Variants in DMD observed in about 807,000 individuals in gnomAD.
The protein encoded by DMD is mutant dystrophin.
Under a neutral mutation model 330.1 loss-of-function variants are expected in DMD, and 63 were observed. The ratio of observed to expected loss-of-function variants is 0.19; its 90% CI spans 0.16 to 0.24. The LOEUF (loss-of-function observed/expected upper bound fraction) is 0.24, where lower values mean the gene tolerates loss of function less well. Ranked by LOEUF, DMD falls within the 10% of genes least tolerant of loss-of-function variation. The pLI is 1.00. For missense variants in DMD, 3,344 were observed against 2,684.1 expected (o/e 1.25, Z -5.43); for synonymous variants, 1,223 against 959.8 (o/e 1.27, Z -5.07).
intron 1 of DMD, among the ~76,000 whole-genome samples, chrX:33,324,734 T>C (rs148173472): frequency 4.2e-3 from 464 of 111,703 alleles, no homozygotes; most frequent in Non-Finnish European, 6.8e-3. Context: ...CTTTGTTATA[T>C]TAAAGATTGT....
intron 21 of DMD, 81 bp downstream of exon 21, chrX:32,484,838 T>C: frequency 9.9e-7 from 1 of 1,013,134 alleles, no homozygotes; most frequent in Non-Finnish European, 1.4e-6. Context: ...AATTATTGTT[T>C]CATGTTAGTA....
intron 1 of DMD, among the ~76,000 whole-genome samples, chrX:33,312,474 A>G (rs1463689744): frequency 2.7e-5 from 3 of 111,897 alleles, no homozygotes; most frequent in African/African-American, 6.5e-5. Flanking sequence ...ATACAGCTAA[A>G]TAATACACCT....
At chrX:31,191,859 T>C (rs73462351) in intron 67 of DMD, among the ~76,000 whole-genome samples, 19,681 of 112,125 alleles carry the variant, frequency 0.18, 1,352 homozygotes, top group Middle Eastern at 0.26. Context: ...CCATTGTTAA[T>C]AGGTATTGGC....
chrX:32,202,843 A>C (rs1980317904), intron 44 of DMD, among the ~76,000 whole-genome samples: 1 of 112,429 alleles, frequency 8.9e-6, no homozygotes, highest in Non-Finnish European at 1.9e-5. Context: ...GCTAAACTGC[A>C]GTTTTCCTTT....
intron 2 of DMD, among the ~76,000 whole-genome samples, chrX:32,873,195 AAT>A (rs2083131116): frequency 9.0e-6 from 1 of 110,934 alleles, no homozygotes; most frequent in African/African-American, 3.3e-5. Flanking sequence ...GCTTTGCTCA[AAT>A]GTCAGGGGAA....
chrX:32,364,499 C>A (rs979429171), intron 36 of DMD, 83 bp downstream of exon 36: 1 of 1,056,336 alleles, frequency 9.5e-7, no homozygotes, highest in Non-Finnish European at 1.3e-6. Flanking sequence ...CTTATTAAGA[C>A]GTCCTTAGTA....
intron 7 of DMD, among the ~76,000 whole-genome samples, chrX:32,800,179 A>T (rs1569524438): frequency 8.9e-6 from 1 of 112,107 alleles, no homozygotes; most frequent in Non-Finnish European, 1.9e-5. Flanking sequence ...ATTTCTTTGG[A>T]GAGTAGCCAA....
intron 67 of DMD, among the ~76,000 whole-genome samples, chrX:31,197,350 C>A (rs1357521667): frequency 8.9e-6 from 1 of 112,073 alleles, no homozygotes; most frequent in African/African-American, 3.2e-5. Context: ...TCCTGAGTAG[C>A]TGGGACTACA....
chrX:33,287,507 G>GC (rs1316464540), intron 1 of DMD, among the ~76,000 whole-genome samples: 1 of 111,183 alleles, frequency 9.0e-6, no homozygotes, highest in Admixed American at 9.6e-5. Flanking sequence ...TTCACCACAG[G>GC]CATCAAGGAT....
At chrX:32,606,720 C>T (rs989783716) in intron 12 of DMD, among the ~76,000 whole-genome samples, 7 of 54,169 alleles carry the variant, frequency 1.3e-4, no homozygotes, top group East Asian at 4.8e-4. Flanking sequence ...TGTGTATATA[C>T]GCATATATAT....
chrX:31,799,793 G>T (rs1361617419), intron 50 of DMD, among the ~76,000 whole-genome samples: 1 of 112,223 alleles, frequency 8.9e-6, no homozygotes, highest in Non-Finnish European at 1.9e-5. Context: ...TACAATGGGG[G>T]GTACAGGCAT....
At chrX:32,981,496 T>G (rs2092707170) in intron 2 of DMD, among the ~76,000 whole-genome samples, 1 of 111,844 alleles carries the variant, frequency 8.9e-6, no homozygotes, top group South Asian at 3.7e-4. Context: ...TAGCACTGGA[T>G]TTCCAGTTAA....
chrX:32,701,035 G>A (rs1003486811), intron 7 of DMD, among the ~76,000 whole-genome samples: 3 of 111,894 alleles, frequency 2.7e-5, no homozygotes, highest in Non-Finnish European at 3.8e-5. Flanking sequence ...ACTTCTATCC[G>A]TAGAACAATA....
chrX:32,534,939 G>T (rs1298323908), intron 17 of DMD, among the ~76,000 whole-genome samples: 3 of 110,854 alleles, frequency 2.7e-5, no homozygotes, highest in Admixed American at 1.9e-4. Context: ...TCTGACCAGG[G>T]AAGACTTTAC....
intron 59 of DMD, among the ~76,000 whole-genome samples, chrX:31,459,642 GA>G (rs1225376618): frequency 9.0e-6 from 1 of 111,239 alleles, no homozygotes; most frequent in African/African-American, 3.3e-5. Flanking sequence ...ACTTTATGAA[GA>G]AAAAAAATTA....
In DMD at chrX:32,797,499, G is replaced by GT. The variant is rs749116398; in HGVS notation, c.649+11993dup. ...AATGTTTTTGCCAAGGCAAAATTCT[G>GT]TGACAAGAAACACAGATATCAACTA... On this transcript the variant is annotated intron_variant, in intron 7 of 78. Transcript: ENST00000357033. 1.6e-4 allele frequency among the ~76,000 whole-genome samples: 18 copies of GT among 112,557 alleles called. No homozygotes were observed. In the East Asian group the frequency reaches 4.7e-3, roughly 30 times the overall value.
intron 60 of DMD, among the ~76,000 whole-genome samples, chrX:31,412,186 CA>C (rs764012481): frequency 0.24 from 10,322 of 43,590 alleles, 516 homozygotes; most frequent in South Asian, 0.26. Flanking sequence ...ACTCTTGTCT[CA>C]AAAAAAAAAA....
intron 1 of DMD, among the ~76,000 whole-genome samples, chrX:33,288,451 CTG>C (rs773632434): frequency 9.0e-6 from 1 of 111,725 alleles, no homozygotes; most frequent in East Asian, 2.8e-4. Flanking sequence ...ACATAAAACT[CTG>C]TATCTCCTGA....
intron 44 of DMD, among the ~76,000 whole-genome samples, chrX:32,076,811 T>C (rs748353197): frequency 9.0e-6 from 1 of 111,669 alleles, no homozygotes; most frequent in East Asian, 2.8e-4. Context: ...GGCCTAGGAA[T>C]CTGCATTATT....
Sources: allele counts gnomAD v4.1 joint callset (sites outside exome capture counted in the v4.1 genomes callset), GRCh38; gene constraint gnomAD v4.1.1; transcripts MANE v1.5; gene names NCBI Gene and HGNC (gene_info 2026-07-23, HGNC 2026-07-21).